The following CALN1 variants were observed in gnomAD, a reference collection of about 807,000 sequenced individuals.
The protein encoded by CALN1 is calneuron 1.
CALN1 carries 17 observed loss-of-function variants against 30.6 expected under a neutral mutation model. The observed-to-expected ratio is 0.56, with a 90% CI of 0.38 to 0.83. The LOEUF (loss-of-function observed/expected upper bound fraction) is 0.83. Among genes scored for constraint, CALN1 ranks in the 40% least tolerant of loss-of-function variants. The pLI, the probability that CALN1 is intolerant of heterozygous loss-of-function variation, is 0.00. For synonymous variants in CALN1, 156 were observed against 131.4 expected, an observed-to-expected ratio of 1.19 and a Z score of -1.28; for missense variants, 291 against 354.9, an observed-to-expected ratio of 0.82 and a Z score of 1.45.
intron 5 of CALN1, among the ~76,000 whole-genome samples, chr7:71,812,225 T>C (rs1027314431): frequency 1.3e-5 from 2 of 152,148 alleles, no homozygotes; most frequent in African/African-American, 4.8e-5. Flanking sequence ...TTATGAACCA[T>C]TGAGATTTGG....
At chr7:72,015,188 C>T (rs1472635721) in intron 5 of CALN1, among the ~76,000 whole-genome samples, 1 of 152,110 alleles carries the variant, frequency 6.6e-6, no homozygotes, top group Non-Finnish European at 1.5e-5. Flanking sequence ...CCCAAATTAC[C>T]AAGCCTGGAA....
intron 5 of CALN1, among the ~76,000 whole-genome samples, chr7:71,901,178 A>G (rs187729080): frequency 6.6e-6 from 1 of 152,338 alleles, no homozygotes; most frequent in African/African-American, 2.4e-5. Context: ...TACCAAAATA[A>G]TAACAATAAA....
intron 5 of CALN1, among the ~76,000 whole-genome samples, chr7:71,846,096 C>G (rs1790218443): frequency 6.6e-6 from 1 of 152,130 alleles, no homozygotes; most frequent in Admixed American, 6.6e-5. Context: ...ATGTCATCGT[C>G]TTCTGCCCAC....
At chr7:72,073,981 C>T (rs2129538256) in intron 4 of CALN1, among the ~76,000 whole-genome samples, 1 of 152,286 alleles carries the variant, frequency 6.6e-6, no homozygotes. Context: ...AGGGAAAAGC[C>T]ACCATGCCTG....
intron 5 of CALN1, among the ~76,000 whole-genome samples, chr7:71,957,456 C>G (rs1211045416): frequency 6.6e-6 from 1 of 152,032 alleles, no homozygotes; most frequent in Non-Finnish European, 1.5e-5. Context: ...TTTCACTCTG[C>G]AAAAAATCAA....
intron 2 of CALN1, among the ~76,000 whole-genome samples, chr7:72,365,592 G>A (rs1803830182): frequency 6.6e-6 from 1 of 151,950 alleles, no homozygotes; most frequent in Non-Finnish European, 1.5e-5. Flanking sequence ...ACCACTCCCT[G>A]CAAATTTTTT....
At chr7:71,896,740 G>A (rs987305412) in intron 5 of CALN1, among the ~76,000 whole-genome samples, 2 of 152,130 alleles carry the variant, frequency 1.3e-5, no homozygotes, top group African/African-American at 4.8e-5. Flanking sequence ...CTGGGCACAC[G>A]TCTTTGTTCT....
chr7:72,162,400 G>C (rs904927856), intron 3 of CALN1, among the ~76,000 whole-genome samples: 2 of 152,000 alleles, frequency 1.3e-5, no homozygotes, highest in African/African-American at 4.8e-5. Flanking sequence ...AAAGCAGATA[G>C]AAAGTGAAGG....
chr7:71,998,828 T>C (rs1584713970), intron 5 of CALN1, among the ~76,000 whole-genome samples: 1 of 152,062 alleles, frequency 6.6e-6, no homozygotes, highest in South Asian at 2.1e-4. Context: ...AGTGCTGGGA[T>C]TGCAGGTGTG....
At chr7:71,972,004 A>C in intron 5 of CALN1, among the ~76,000 whole-genome samples, 1 of 146,036 alleles carries the variant, frequency 6.8e-6, no homozygotes, top group Middle Eastern at 3.4e-3. Flanking sequence ...AGAAAGAAAG[A>C]AAAAAAGAAA....
intron 2 of CALN1, among the ~76,000 whole-genome samples, chr7:72,346,842 A>G (rs1394962993): frequency 1.3e-5 from 2 of 152,214 alleles, no homozygotes; most frequent in Non-Finnish European, 2.9e-5. Flanking sequence ...AACACAGAAT[A>G]AAGTAGCAAT....
chr7:72,066,985 T>A (rs1177335707), intron 4 of CALN1, among the ~76,000 whole-genome samples: 1 of 151,766 alleles, frequency 6.6e-6, no homozygotes, highest in South Asian at 2.1e-4. Flanking sequence ...GATGGGGTTT[T>A]ACCATGTTGC....
intron 3 of CALN1, among the ~76,000 whole-genome samples, chr7:72,274,009 T>C (rs1039583955): frequency 1.3e-4 from 20 of 152,006 alleles, no homozygotes; most frequent in African/African-American, 4.8e-4. Context: ...ATACAAATAA[T>C]TTATGACCAG....
chr7:72,220,884 G>A (rs533346932), intron 3 of CALN1, among the ~76,000 whole-genome samples: 19 of 152,196 alleles, frequency 1.2e-4, no homozygotes, highest in Non-Finnish European at 2.6e-4. Flanking sequence ...ACTTTTTGAT[G>A]GGGTTGTTTG....
At chr7:72,245,387 G>A (rs1049018548) in intron 3 of CALN1, among the ~76,000 whole-genome samples, 1 of 152,254 alleles carries the variant, frequency 6.6e-6, no homozygotes, top group African/African-American at 2.4e-5. Context: ...GGGAGGCTGA[G>A]GCGGGTGGAG....
intron 2 of CALN1, among the ~76,000 whole-genome samples, chr7:72,401,733 T>C (rs570977254): frequency 1.3e-5 from 2 of 152,348 alleles, no homozygotes; most frequent in Admixed American, 6.5e-5. Flanking sequence ...ACATTTTTAA[T>C]GTAACAGTGT....
At chr7:72,056,368 C>T (rs990171078) in intron 4 of CALN1, among the ~76,000 whole-genome samples, 11 of 151,524 alleles carry the variant, frequency 7.3e-5, no homozygotes, top group African/African-American at 2.4e-4. Flanking sequence ...AGGAGATAAA[C>T]AAAACAGGGC....
At chr7:72,346,757 C>CAGGAGTT (rs1258876180) in intron 2 of CALN1, among the ~76,000 whole-genome samples, 2 of 152,054 alleles carry the variant, frequency 1.3e-5, no homozygotes, top group Admixed American at 6.6e-5. Context: ...CTCAAGTGAT[C>CAGGAGTT]CACCCGCCTT....
At chr7:72,243,400 G>GAT (rs1222529341) in intron 3 of CALN1, among the ~76,000 whole-genome samples, 1 of 152,188 alleles carries the variant, frequency 6.6e-6, no homozygotes, top group Non-Finnish European at 1.5e-5. Context: ...AACTGACCAT[G>GAT]ATAAGAAGTA....
Sources: allele counts gnomAD v4.1 joint callset (sites outside exome capture counted in the v4.1 genomes callset), GRCh38; gene constraint gnomAD v4.1.1; transcripts MANE v1.5; gene names NCBI Gene and HGNC (gene_info 2026-07-23, HGNC 2026-07-21).